The following NBPF3 variants were observed in gnomAD, a reference collection of about 807,000 sequenced individuals.
NBPF3 encodes NBPF family member NBPF3.
A neutral mutation model predicts 78.1 loss-of-function variants in NBPF3; 57 were observed. That is an observed-to-expected ratio of 0.73 (90% CI 0.59 to 0.91). The LOEUF is 0.91. Among genes scored for constraint, NBPF3 ranks in the 40% least tolerant of loss-of-function variants. The pLI is 0.00. For missense variants in NBPF3, 510 were observed against 715.3 expected, an observed-to-expected ratio of 0.71 and a Z score of 3.27; for synonymous variants, 182 against 271.7, an observed-to-expected ratio of 0.67 and a Z score of 3.25.
In NBPF3 at chr1:21,481,548, T is replaced by C; in HGVS notation, c.1434-49T>C. On this transcript the variant is annotated intron_variant, in intron 12 of 14. Coordinates refer to ENST00000318249, the MANE Select transcript of NBPF3 (RefSeq NM_032264.6). ...CCCATGAAATCTAGTTGGGGCTCTG[T>C]GGTGTCTGATTTCCCCTGGCTTATT... is the stretch of plus-strand genomic sequence containing the variant. 4.4e-6 allele frequency: 7 copies of C among 1,591,466 alleles called. No homozygotes were observed. The South Asian group carries it at 5.7e-5, about 13-fold the overall frequency.
In NBPF3 at chr1:21,469,397, T is replaced by C. The variant is rs372496236; in HGVS notation, c.343+500T>C. ...GGCTTCAAGGGGAGTCTGCTCCTAATAGAACCTGTGGTATCTGTAAGTGAC... is the reference window on the plus strand; with the variant it reads ...GGCTTCAAGGGGAGTCTGCTCCTAACAGAACCTGTGGTATCTGTAAGTGAC... On this transcript the variant is annotated intron_variant, in intron 3 of 14. Coordinates refer to ENST00000318249, the MANE Select transcript of NBPF3 (RefSeq NM_032264.6). Among the ~76,000 whole-genome samples the C allele has an allele frequency of 4.6e-5, 7 of 152,286 alleles. No individual in the cohort carries two copies. The East Asian group carries it at 9.7e-4, about 21-fold the overall frequency.
chr1:21,463,650 G>A (rs1176602571), intron 2 of NBPF3, among the ~76,000 whole-genome samples: 1 of 152,176 alleles, frequency 6.6e-6, no homozygotes, highest in Non-Finnish European at 1.5e-5. Flanking sequence ...AAAGGACACT[G>A]TCAAGGAAGT....
At chr1:21,465,037 C>T (rs1203648118) in intron 2 of NBPF3, among the ~76,000 whole-genome samples, 176 of 141,940 alleles carry the variant, frequency 1.2e-3, no homozygotes, top group African/African-American at 4.3e-3. Flanking sequence ...AAGCATCTCA[C>T]TTTAATAGTA....
At chr1:21,481,367 G>A (rs973228610) in intron 12 of NBPF3, among the ~76,000 whole-genome samples, 26 of 104,100 alleles carry the variant, frequency 2.5e-4, no homozygotes, top group Admixed American at 1.3e-3. Flanking sequence ...TTCAGTGAGC[G>A]CTCACTCTCT....
At chr1:21,479,816 C>CTGTGTGTGTGTGTG (rs1476158141) in intron 10 of NBPF3, among the ~76,000 whole-genome samples, 14 of 45,712 alleles carry the variant, frequency 3.1e-4, no homozygotes, top group Admixed American at 9.3e-4. Context: ...CTCTCTCTCT[C>CTGTGTGTGTGTGTG]TCTCTGTGTG....
chr1:21,437,481 A>G (rs1352014063), upstream of NBPF3: 1 of 1,462,322 alleles, frequency 6.8e-7, no homozygotes, highest in Non-Finnish European at 9.2e-7. Context: ...GTCCACGAGG[A>G]CGCCCAGCGC....
intron 2 of NBPF3, among the ~76,000 whole-genome samples, chr1:21,445,856 CCTT>C (rs1381395134): frequency 6.6e-6 from 1 of 152,214 alleles, no homozygotes; most frequent in East Asian, 1.9e-4. Flanking sequence ...GTGGTGGACA[CCTT>C]CTTTCACTGA....
chr1:21,472,411 A>G (rs1255768087), intron 5 of NBPF3, among the ~76,000 whole-genome samples: 1 of 152,232 alleles, frequency 6.6e-6, no homozygotes, highest in Non-Finnish European at 1.5e-5. Context: ...CAGAAGCCAC[A>G]TGGAGGGCCT....
intron 2 of NBPF3, chr1:21,453,304 C>T (rs1385938593): frequency 6.6e-6 from 1 of 152,146 alleles, no homozygotes; most frequent in East Asian, 1.9e-4. Context: ...TCTATTACTT[C>T]AGTGGCCACT....
chr1:21,454,325 GA>G (rs1252711532), intron 2 of NBPF3: 1 of 152,096 alleles, frequency 6.6e-6, no homozygotes, highest in African/African-American at 2.4e-5. Flanking sequence ...ATCTTTTACT[GA>G]TAAACTCAAT....
chr1:21,475,508 C>T (rs576748059), intron 8 of NBPF3, among the ~76,000 whole-genome samples: 11 of 152,284 alleles, frequency 7.2e-5, no homozygotes, highest in African/African-American at 2.4e-4. Flanking sequence ...GCCTTCATTT[C>T]GTTATTTACC....
intron 7 of NBPF3, among the ~76,000 whole-genome samples, chr1:21,474,012 T>C (rs1642752845): frequency 6.6e-6 from 1 of 152,166 alleles, no homozygotes; most frequent in African/African-American, 2.4e-5. Flanking sequence ...TTAATCTTGA[T>C]CTCCTTTGAG....
At chr1:21,471,272 C>G (rs1642579913) in intron 4 of NBPF3, among the ~76,000 whole-genome samples, 1 of 152,100 alleles carries the variant, frequency 6.6e-6, no homozygotes, top group African/African-American at 2.4e-5. Flanking sequence ...GAGTGAGGAA[C>G]TGAAAGGATG....
chr1:21,478,283 G>A lies in NBPF3; in HGVS notation c.1132G>A (p.Val378Ile), dbSNP rs761112312. 3.7e-6 allele frequency: 6 copies of A among 1,614,084 alleles called. No individual in the cohort carries two copies. The South Asian group carries it at 6.6e-5, about 18-fold the overall frequency. ...STFHSVEEQQ[V>I]GLALDIGRHW... ...CTTTCACTCAGTAGAGGAACAGCAA[G>A]TCGGCTTGGCTCTTGACATAGGCAG... The change falls in exon 9 of 15, where the codon GTC becomes ATC. Residue 378 changes from valine (V) to isoleucine (I), a missense_variant. Val to Ile is a conservative substitution (Grantham distance 29). Transcript: ENST00000318249.
intron 8 of NBPF3, among the ~76,000 whole-genome samples, chr1:21,477,351 G>A (rs1220939173): frequency 6.6e-6 from 1 of 152,196 alleles, no homozygotes; most frequent in Non-Finnish European, 1.5e-5. Context: ...GAGGAGAAGG[G>A]GCGCTCTGGT....
intron 2 of NBPF3, chr1:21,451,959 T>C (rs1641334786): frequency 2.2e-6 from 1 of 462,826 alleles, no homozygotes. Flanking sequence ...ACCAGTAGTT[T>C]TTCCAGGGCA....
intron 11 of NBPF3, 105 bp downstream of exon 11, chr1:21,480,328 A>G (rs2800935): frequency 0.7 from 361,180 of 515,850 alleles, 143,838 homozygotes; most frequent in South Asian, 0.88. Context: ...TGTCATTGCC[A>G]CAGGCAGGAC....
rs756712568 is a variant in NBPF3 at position 21,480,228 on chromosome 1, G to A, written c.1381+5G>A. On this transcript the variant is annotated splice_donor_5th_base_variant and intron_variant, in intron 11 of 14. Coordinates refer to ENST00000318249, the MANE Select transcript of NBPF3 (RefSeq NM_032264.6). ...GCTTGGCTCTTGACTTGGACAGTGA[G>A]TACCTTACTATGAAGGTGATAAGAC... The A allele has an allele frequency of 2.7e-5, 32 of 1,191,418 alleles. 4 individuals are homozygous for A. The highest frequency in any genetic ancestry group is 3.5e-5 in the Non-Finnish European group (29 of 822,096). The allele number at this position is 1,191,418 out of a possible 1,614,324, so 73.8% of individuals were successfully genotyped here.
At chr1:21,439,691 G>T (rs115737209), upstream of NBPF3, among the ~76,000 whole-genome samples, 4,573 of 151,882 alleles carry the variant, frequency 0.03, 93 homozygotes, top group Middle Eastern at 0.054. Context: ...TTTTCGTCCA[G>T]GCTGGTCTCG....
Sources: gnomAD v4.1 joint callset for allele counts (sites outside exome capture counted in the v4.1 genomes callset) on GRCh38, gnomAD v4.1.1 for gene constraint, MANE v1.5 for transcripts, NCBI Gene and HGNC (gene_info 2026-07-23, HGNC 2026-07-21) for gene names.